The following NRXN3 variants were observed in gnomAD, a reference collection of about 807,000 sequenced individuals.
The protein encoded by NRXN3 is neurexin 3.
In NRXN3, 32 loss-of-function variants were observed where a neutral mutation model predicts 137.6. The observed-to-expected ratio is 0.23, with a 90% confidence interval of 0.18 to 0.31. The LOEUF (loss-of-function observed/expected upper bound fraction) is 0.31. NRXN3 is among the 10% of genes least tolerant of loss of function. The pLI is 1.00. For missense variants in NRXN3, 1,574 were observed against 2,062.5 expected (o/e 0.76, Z 4.59); for synonymous variants, 798 against 784.5 (o/e 1.02, Z -0.29).
At chr14:79,691,072 G>T (rs2098714779) in intron 17 of NRXN3, among the ~76,000 whole-genome samples, 1 of 151,986 alleles carries the variant, frequency 6.6e-6, no homozygotes, top group South Asian at 2.1e-4. Context: ...AGATAGAACA[G>T]TTCCCAAGGC....
intron 15 of NRXN3, among the ~76,000 whole-genome samples, chr14:79,152,393 G>C (rs371683298): frequency 4.6e-5 from 7 of 151,998 alleles, no homozygotes; most frequent in African/African-American, 1.7e-4. Context: ...TTGGCTTGGA[G>C]TTACTGGCAG....
intron 15 of NRXN3, among the ~76,000 whole-genome samples, chr14:79,463,129 A>C (rs2096374580): frequency 6.6e-6 from 1 of 152,202 alleles, no homozygotes; most frequent in Admixed American, 6.5e-5. Flanking sequence ...GAAAAAGTAA[A>C]TTGCCATCAA....
At chr14:79,280,447 C>A (rs1451953628) in intron 15 of NRXN3, 2 of 1,614,142 alleles carry the variant, frequency 1.2e-6, no homozygotes, top group Non-Finnish European at 8.5e-7. Context: ...CGGGGTCTCA[C>A]TCTCAGCACG....
At chr14:78,959,343 G>A (rs868694010) in intron 11 of NRXN3, among the ~76,000 whole-genome samples, 11 of 152,136 alleles carry the variant, frequency 7.2e-5, no homozygotes, top group African/African-American at 2.2e-4. Context: ...CTTTGAGAGC[G>A]TTGTATAATT....
chr14:79,049,457 C>A (rs967020216), intron 15 of NRXN3, among the ~76,000 whole-genome samples: 1 of 152,198 alleles, frequency 6.6e-6, no homozygotes, highest in Non-Finnish European at 1.5e-5. Context: ...TCCACCACAT[C>A]TGCAGTTACT....
intron 4 of NRXN3, among the ~76,000 whole-genome samples, chr14:78,571,431 T>C (rs1443916395): frequency 1.3e-5 from 2 of 152,188 alleles, no homozygotes; most frequent in African/African-American, 2.4e-5. Context: ...TTTAGTTTTG[T>C]CTTTGGGGAT....
intron 4 of NRXN3, among the ~76,000 whole-genome samples, chr14:78,386,398 C>G (rs1156627496): frequency 6.6e-6 from 1 of 152,114 alleles, no homozygotes; most frequent in African/African-American, 2.4e-5. Context: ...TATTGTACCC[C>G]TGTGATGAAG....
chr14:79,291,609 G>C (rs1022798707), intron 15 of NRXN3, among the ~76,000 whole-genome samples: 1 of 145,536 alleles, frequency 6.9e-6, no homozygotes, highest in African/African-American at 2.5e-5. Context: ...GGCACAATCA[G>C]GTTGGGTATT....
At chr14:78,503,991 A>G (rs2095932018) in intron 4 of NRXN3, among the ~76,000 whole-genome samples, 1 of 152,218 alleles carries the variant, frequency 6.6e-6, no homozygotes, top group Non-Finnish European at 1.5e-5. Context: ...TCACATAAGT[A>G]TGGCAAATCC....
intron 15 of NRXN3, among the ~76,000 whole-genome samples, chr14:79,139,787 A>AC (rs1035255440): frequency 3.3e-5 from 5 of 152,078 alleles, no homozygotes; most frequent in African/African-American, 9.6e-5. Context: ...AAAACAAAAA[A>AC]TCAGTATTAC....
intron 4 of NRXN3, among the ~76,000 whole-genome samples, chr14:78,550,538 AAAC>A (rs200864784): frequency 1.9e-3 from 152 of 80,972 alleles, no homozygotes; most frequent in Admixed American, 2.9e-3. Context: ...GGGATAGTAA[AAAC>A]AAAAAAAAAA....
At chr14:79,149,447 G>A (rs2059601212) in intron 15 of NRXN3, among the ~76,000 whole-genome samples, 1 of 151,970 alleles carries the variant, frequency 6.6e-6, no homozygotes, top group Non-Finnish European at 1.5e-5. Context: ...TGAAAGCATA[G>A]GTGATTATTT....
At chr14:78,387,267 G>T (rs574157148) in intron 4 of NRXN3, among the ~76,000 whole-genome samples, 2 of 152,120 alleles carry the variant, frequency 1.3e-5, no homozygotes, top group Non-Finnish European at 2.9e-5. Flanking sequence ...CATAAAAAAA[G>T]TACCAAAGTA....
At chr14:79,279,494 AC>A in intron 15 of NRXN3, 1 of 985,836 alleles carries the variant, frequency 1.0e-6, no homozygotes, top group Non-Finnish European at 1.2e-6. Flanking sequence ...GATTTCGCCC[AC>A]CCACCTCCCT....
At chr14:79,359,891 G>A (rs1408245246) in intron 15 of NRXN3, among the ~76,000 whole-genome samples, 1 of 152,012 alleles carries the variant, frequency 6.6e-6, no homozygotes, top group Admixed American at 6.6e-5. Flanking sequence ...CAGAACAATG[G>A]GAAAAGACTT....
rs3036671 is a variant in NRXN3 at position 79,361,996 on chromosome 14, A to AATTATTATTATT, written c.3263-105197_3263-105186dup. On this transcript the variant is annotated intron_variant, in intron 15 of 20. Coordinates refer to ENST00000335750, the MANE Select transcript of NRXN3 (RefSeq NM_001330195.2). ...TTTACGCTATTCATTCTACTTTTAT[A>AATTATTATTATT]ATTATTATTATTATTATTATTATTA... Among the ~76,000 whole-genome samples the AATTATTATTATT allele has an allele frequency of 1.3e-3, 188 of 142,102 alleles. 1 individual carries two copies. Among genetic ancestry groups the AATTATTATTATT allele is most frequent in the Middle Eastern group, 7.4e-3 (2 of 272 alleles). 93.2% of individuals were successfully genotyped at this position (142,102 alleles called of 152,430 possible). A position where few individuals can be genotyped will look rare whatever the true frequency, so the allele number is the denominator to read the frequency against.
intron 14 of NRXN3, among the ~76,000 whole-genome samples, chr14:78,977,759 A>C (rs1288903402): frequency 6.6e-6 from 1 of 152,226 alleles, no homozygotes; most frequent in African/African-American, 2.4e-5. Flanking sequence ...CATCAAGAGC[A>C]GTGCTGTGCT....
At chr14:79,106,583 T>C (rs2052484142) in intron 15 of NRXN3, among the ~76,000 whole-genome samples, 1 of 152,156 alleles carries the variant, frequency 6.6e-6, no homozygotes, top group African/African-American at 2.4e-5. Flanking sequence ...GGAATTTTCA[T>C]TTGATTCTAC....
At chr14:78,413,793 A>G (rs2092975761) in intron 4 of NRXN3, among the ~76,000 whole-genome samples, 2 of 7,724 alleles carry the variant, frequency 2.6e-4, no homozygotes, top group Non-Finnish European at 0.011. Flanking sequence ...AAAAACATCC[A>G]CTATAGTGTT....
Sources: gnomAD v4.1 joint callset for allele counts (sites outside exome capture counted in the v4.1 genomes callset) on GRCh38, gnomAD v4.1.1 for gene constraint, MANE v1.5 for transcripts, NCBI Gene and HGNC (gene_info 2026-07-23, HGNC 2026-07-21) for gene names.